The following ANOS1 variants were observed in gnomAD, a reference collection of about 807,000 sequenced individuals.
ANOS1 encodes the protein anosmin-1.
ANOS1 carries 6 observed loss-of-function variants against 59.0 expected under a neutral mutation model. That is an observed-to-expected ratio of 0.10 (90% CI 0.06 to 0.20). ANOS1 has a LOEUF of 0.20. ANOS1 is among the 10% of genes least tolerant of loss of function. The pLI is 1.00. For missense variants in ANOS1, 433 were observed against 542.3 expected, an observed-to-expected ratio of 0.80 and a Z score of 2.00; for synonymous variants, 217 against 223.4, an observed-to-expected ratio of 0.97 and a Z score of 0.25.
rs1930958672 is a variant in ANOS1 at position 8,607,220 on chromosome X, A to C, written c.319-9964T>G. ...ACACTAGGCATGAAATAAGAAAAAT[A>C]ACTCTCCGTTCAAATGTTACTAATT... is the stretch of plus-strand genomic sequence containing the variant. On this transcript the variant is annotated intron_variant, in intron 3 of 13. Coordinates refer to ENST00000262648, the MANE Select transcript of ANOS1 (RefSeq NM_000216.4). Among the ~76,000 whole-genome samples the C allele has an allele frequency of 2.7e-5, 3 of 112,434 alleles. No individual in the cohort carries two copies. In the Admixed American group the frequency reaches 2.8e-4, roughly 11 times the overall value.
At chrX:8,723,957 CAAT>C (rs1932893353) in intron 1 of ANOS1, among the ~76,000 whole-genome samples, 1 of 112,328 alleles carries the variant, frequency 8.9e-6, no homozygotes, top group Non-Finnish European at 1.9e-5. Flanking sequence ...GAATTCTCAA[CAAT>C]GAGGGAGCAT....
intron 3 of ANOS1, among the ~76,000 whole-genome samples, chrX:8,603,443 C>T: frequency 8.9e-6 from 1 of 111,825 alleles, no homozygotes; most frequent in East Asian, 2.8e-4. Flanking sequence ...ATGCTAAGCT[C>T]CACTAAGAAG....
chrX:8,586,945 A>T, intron 5 of ANOS1, among the ~76,000 whole-genome samples: 1 of 101,825 alleles, frequency 9.8e-6, no homozygotes. Flanking sequence ...CATTTATTTT[A>T]CATTTACTGA....
At chrX:8,684,258 C>G (rs1932469847) in intron 2 of ANOS1, among the ~76,000 whole-genome samples, 1 of 111,622 alleles carries the variant, frequency 9.0e-6, no homozygotes, top group Non-Finnish European at 1.9e-5. Flanking sequence ...GCCTTCACAA[C>G]AGGGCTTCCC....
intron 1 of ANOS1, 82 bp downstream of exon 1, chrX:8,731,748 C>A: frequency 1.8e-6 from 2 of 1,132,936 alleles, no homozygotes; most frequent in Admixed American, 5.6e-5. Context: ...CTTTGCGAGC[C>A]CAGGCTGGGA....
In ANOS1 at chrX:8,671,368, G is replaced by C. The variant is rs139295973; in HGVS notation, c.255+28330C>G. ...TAATTCATATCTCCTATCTTTCTTA[G>C]CATAGTACCCTATTTTCTCAAAATC... On this transcript the variant is annotated intron_variant, in intron 2 of 13. Transcript: ENST00000262648. Among the ~76,000 whole-genome samples the C allele has an allele frequency of 2.8e-4, 31 of 110,784 alleles. No individual in the cohort carries two copies. The East Asian group carries it at 8.5e-3, about 30-fold the overall frequency.
At position 8,532,660 on chromosome X, in the gene ANOS1, A is replaced by C. The variant is rs1929518703; in HGVS notation, c.*335T>G. 2 of 179,630 alleles carry C rather than the reference A, an allele frequency of 1.1e-5. No homozygotes were observed. The highest frequency in any genetic ancestry group is 3.9e-4 in the South Asian group (2 of 5,174). 14.8% of individuals were successfully genotyped at this position (179,630 alleles called of 1,213,427 possible). On this transcript the variant is annotated 3_prime_UTR_variant, in exon 14 of 14. Transcript: ENST00000262648. ...TTTGTTACTCTCCTTTTTGGGGCGG[A>C]GTTTGGTGCTCCAAATTCAGGGAAA...
intron 8 of ANOS1, among the ~76,000 whole-genome samples, chrX:8,567,456 C>T (rs1403997766): frequency 9.0e-6 from 1 of 111,655 alleles, no homozygotes; most frequent in Non-Finnish European, 1.9e-5. Context: ...TTCAAAAGTG[C>T]CCAACTTTGA....
chrX:8,608,776 C>T (rs758131652), intron 3 of ANOS1, among the ~76,000 whole-genome samples: 2 of 111,469 alleles, frequency 1.8e-5, no homozygotes, highest in Admixed American at 9.5e-5. Context: ...TGAGTTCTCA[C>T]GAGATCTGAT....
chrX:8,685,586 GAGAAAGAAAGGAAGAA>G (rs1932499198), intron 2 of ANOS1, among the ~76,000 whole-genome samples: 1 of 60,771 alleles, frequency 1.6e-5, no homozygotes, highest in African/African-American at 6.1e-5. Context: ...AGGAAAGAAA[GAGAAAGAAAGGAAGAA>G]AGAAAGAAAG....
intron 2 of ANOS1, among the ~76,000 whole-genome samples, chrX:8,639,887 G>T (rs1020954786): frequency 1.8e-5 from 2 of 110,775 alleles, no homozygotes; most frequent in African/African-American, 6.6e-5. Flanking sequence ...CAAAATCAGT[G>T]ACCCCTCTAG....
chrX:8,652,719 A>T (rs1241842072), intron 2 of ANOS1, among the ~76,000 whole-genome samples: 3 of 111,748 alleles, frequency 2.7e-5, no homozygotes, highest in African/African-American at 9.8e-5. Flanking sequence ...TGCCTCACAC[A>T]AGGATAGCAT....
chrX:8,703,198 C>T (rs1449270289), intron 1 of ANOS1, among the ~76,000 whole-genome samples: 1 of 111,997 alleles, frequency 8.9e-6, no homozygotes, highest in African/African-American at 3.2e-5. Flanking sequence ...TCCTCTTTAC[C>T]TGTCTGTAAG....
intron 2 of ANOS1, among the ~76,000 whole-genome samples, chrX:8,680,032 G>A (rs1428872860): frequency 9.2e-6 from 1 of 109,002 alleles, no homozygotes; most frequent in Non-Finnish European, 1.9e-5. Context: ...ATGGTGGTGT[G>A]TGCCTGTAAT....
intron 2 of ANOS1, among the ~76,000 whole-genome samples, chrX:8,650,097 T>A (rs1015748230): frequency 1.8e-5 from 2 of 112,556 alleles, no homozygotes; most frequent in African/African-American, 3.2e-5. Context: ...CCATAAGTAG[T>A]GTAATCCTCT....
intron 3 of ANOS1, among the ~76,000 whole-genome samples, chrX:8,615,139 A>G (rs1269955946): frequency 9.0e-6 from 1 of 111,695 alleles, no homozygotes; most frequent in Non-Finnish European, 1.9e-5. Context: ...CCCAAGTAAC[A>G]CCATCTAGAA....
chrX:8,552,979 A>T (rs868572663), intron 9 of ANOS1, among the ~76,000 whole-genome samples: 14 of 109,988 alleles, frequency 1.3e-4, no homozygotes, highest in Admixed American at 1.2e-3. Flanking sequence ...AAATCCTGGA[A>T]TAGGAACCAC....
chrX:8,577,114 C>G (rs1439251146), intron 6 of ANOS1, among the ~76,000 whole-genome samples: 2 of 111,941 alleles, frequency 1.8e-5, no homozygotes, highest in Admixed American at 9.5e-5. Flanking sequence ...CTGCTCTCCC[C>G]TAGTTGGGAG....
At chrX:8,658,436 T>C (rs1319175951) in intron 2 of ANOS1, among the ~76,000 whole-genome samples, 3 of 112,189 alleles carry the variant, frequency 2.7e-5, no homozygotes, top group African/African-American at 9.7e-5. Flanking sequence ...ATTGCTTGTT[T>C]TCCCTCCTAA....
Sources: gnomAD v4.1 joint callset for allele counts (sites outside exome capture counted in the v4.1 genomes callset) on GRCh38, gnomAD v4.1.1 for gene constraint, MANE v1.5 for transcripts, NCBI Gene and HGNC (gene_info 2026-07-23, HGNC 2026-07-21) for gene names.